The following CXXC4 variants were observed in gnomAD, a reference collection of about 807,000 sequenced individuals.
CXXC4 encodes CXXC finger protein 4.
A neutral mutation model predicts 20.5 loss-of-function variants in CXXC4; 5 were observed. That is an observed-to-expected ratio of 0.24 (90% CI 0.13 to 0.51). The LOEUF is 0.51. Among genes scored for constraint, CXXC4 ranks in the 20% least tolerant of loss-of-function variants. CXXC4 has a pLI of 0.97. For synonymous variants in CXXC4, 250 were observed against 216.4 expected (o/e 1.16, Z -1.36); for missense variants, 419 against 496.4 (o/e 0.84, Z 1.48).
intron 2 of CXXC4, among the ~76,000 whole-genome samples, chr4:104,478,266 C>T (rs575368489): frequency 5.3e-5 from 8 of 152,216 alleles, no homozygotes; most frequent in East Asian, 1.9e-4. Context: ...TAGACTGTGA[C>T]GGTGTGACTT....
intron 2 of CXXC4, among the ~76,000 whole-genome samples, chr4:104,473,637 C>G (rs1382540035): frequency 6.6e-6 from 1 of 151,824 alleles, no homozygotes; most frequent in Non-Finnish European, 1.5e-5. Flanking sequence ...CTTAGACTAG[C>G]CCAACAAGCC....
intron 2 of CXXC4, among the ~76,000 whole-genome samples, chr4:104,479,101 C>T (rs1449221750): frequency 2.6e-5 from 4 of 152,016 alleles, no homozygotes; most frequent in Non-Finnish European, 5.9e-5. Context: ...GGTAATTAGC[C>T]ATTGAAAAAC....
In CXXC4 at chr4:104,469,070, C is replaced by A. The variant is rs1047038889; in HGVS notation, c.*3252G>T. The A allele has an allele frequency of 1.8e-4, 28 of 152,000 alleles. No homozygotes were observed. Among genetic ancestry groups the A allele is most frequent in the African/African-American group, 6.5e-4 (27 of 41,394 alleles). The allele number at this position is 152,000 out of a possible 1,614,324, so 9.4% of individuals were successfully genotyped here. A position where few individuals can be genotyped will look rare whatever the true frequency, so the allele number is the denominator to read the frequency against. ...TGTTGGGAATTAAGCAACCAGGAGA[C>A]ATTTTTATATACTCCTACAGTGGGG... is the stretch of plus-strand genomic sequence containing the variant. On this transcript the variant is annotated 3_prime_UTR_variant, in exon 3 of 3. Transcript: ENST00000394767.
At position 104,490,977 on chromosome 4, in the gene CXXC4, T is replaced by A. The variant is rs1736832904; in HGVS notation, c.826A>T (p.Asn276Tyr). 1 of 1,613,864 alleles carries A rather than the reference T, an allele frequency of 6.2e-7. No individual in the cohort carries two copies. Among genetic ancestry groups the A allele is most frequent in the African/African-American group, 1.3e-5 (1 of 74,918 alleles). ...TGATTCTGCGGGCAGTCTGCCAGAT[T>A]GGCAATTTGAAACGCACTGTCTGTG... ...AVTDSAFQIANLADCPQNHSS... is the reference protein window; with the variant it reads ...AVTDSAFQIAYLADCPQNHSS... Residue 276 changes from asparagine (N) to tyrosine (Y), a missense_variant, in exon 2 of 3, where the codon AAT (asparagine) becomes TAT (tyrosine). Around this residue, in one of 3 missense-constraint regions of CXXC4, gnomAD observed 388 missense variants for 416.0 expected, o/e 0.93. Transcript: ENST00000394767.
In CXXC4 at chr4:104,472,320, C is replaced by T. The variant is rs1736297242; in HGVS notation, c.*2G>A. 1 of 1,598,854 alleles carries T rather than the reference C, an allele frequency of 6.3e-7. No homozygotes were observed. Among genetic ancestry groups the T allele is most frequent in the African/African-American group, 1.3e-5 (1 of 74,150 alleles). On this transcript the variant is annotated 3_prime_UTR_variant, in exon 3 of 3. Coordinates refer to ENST00000394767, the MANE Select transcript of CXXC4 (RefSeq NM_025212.4). ...GCCTTGAAAATAAGATATACTACTG[C>T]TTTAAAAGAACCATCGGAATGCTTC...
intron 2 of CXXC4, among the ~76,000 whole-genome samples, chr4:104,478,384 A>T (rs561374960): frequency 6.6e-6 from 1 of 152,204 alleles, no homozygotes; most frequent in Non-Finnish European, 1.5e-5. Context: ...TCATGAAAAC[A>T]GCTGTCCAAA....
At chr4:104,487,477 C>G (rs145039627) in intron 2 of CXXC4, among the ~76,000 whole-genome samples, 4 of 152,266 alleles carry the variant, frequency 2.6e-5, no homozygotes, top group African/African-American at 9.6e-5. Flanking sequence ...AAGTCAGTAT[C>G]AGAAATGTTA....
chr4:104,493,182 T>C (rs2110282325), intron 1 of CXXC4, among the ~76,000 whole-genome samples: 1 of 152,364 alleles, frequency 6.6e-6, no homozygotes, highest in East Asian at 1.9e-4. Context: ...GCCATTATTA[T>C]GCTTTAGGAA....
intron 2 of CXXC4, among the ~76,000 whole-genome samples, chr4:104,473,016 GA>G (rs1182987266): frequency 6.6e-6 from 1 of 151,714 alleles, no homozygotes; most frequent in Non-Finnish European, 1.5e-5. Context: ...ATCAAAAACT[GA>G]AACTGAAATT....
In CXXC4 at chr4:104,491,707, A is replaced by G; in HGVS notation, c.96T>C (p.Leu32=). Reference sequence around the variant, plus strand: ...GCTCCATTTCCGAGTTGTAATCCACAAGGCTGTTCAGAGCCCCCTCGGGCA... The same window carrying G: ...GCTCCATTTCCGAGTTGTAATCCACGAGGCTGTTCAGAGCCCCCTCGGGCA... ...SHLPEGALNS[L]VDYNSEMERY... is the part of the protein sequence containing the mutation. Residue 32 remains leucine, a synonymous_variant, in exon 2 of 3, where the codon CTT becomes CTC. Coordinates refer to ENST00000394767, the MANE Select transcript of CXXC4 (RefSeq NM_025212.4). 4.5e-6 allele frequency: 7 copies of G among 1,545,446 alleles called. No individual in the cohort carries two copies. Among genetic ancestry groups the G allele is most frequent in the East Asian group, 2.5e-5 (1 of 40,376 alleles).
In CXXC4 at chr4:104,472,112, T is replaced by C. The variant is rs918000318; in HGVS notation, c.*210A>G. The C allele has an allele frequency of 5.1e-6, 2 of 388,670 alleles. No individual in the cohort carries two copies. The highest frequency in any genetic ancestry group is 2.1e-5 in the African/African-American group (1 of 47,730). 24.1% of individuals were successfully genotyped at this position (388,670 alleles called of 1,614,324 possible). ...AAAGAATCAGCGTATTGAAAGTAAA[T>C]AGACTGGCCAATTCTCCAAGCTCTC... is the stretch of plus-strand genomic sequence containing the variant. On this transcript the variant is annotated 3_prime_UTR_variant, in exon 3 of 3. Coordinates refer to ENST00000394767, the MANE Select transcript of CXXC4 (RefSeq NM_025212.4).
intron 2 of CXXC4, among the ~76,000 whole-genome samples, chr4:104,489,044 G>T (rs1162980907): frequency 1.3e-5 from 2 of 152,114 alleles, no homozygotes; most frequent in East Asian, 1.9e-4. Flanking sequence ...ATAGTCCTTA[G>T]AAGTTACAAT....
At chr4:104,473,348 T>C (rs987858101) in intron 2 of CXXC4, among the ~76,000 whole-genome samples, 2 of 151,834 alleles carry the variant, frequency 1.3e-5, no homozygotes, top group Non-Finnish European at 2.9e-5. Context: ...AAACATACTA[T>C]AAATGGTTTC....
chr4:104,476,573 T>TA (rs1242134978), intron 2 of CXXC4, among the ~76,000 whole-genome samples: 1 of 152,168 alleles, frequency 6.6e-6, no homozygotes, highest in Non-Finnish European at 1.5e-5. Flanking sequence ...AAGAGGAAAT[T>TA]AATGAAAACT....
At position 104,469,249 on chromosome 4, in the gene CXXC4, G is replaced by A. The variant is rs1736200859; in HGVS notation, c.*3073C>T. 1 of 151,974 alleles carries A rather than the reference G, an allele frequency of 6.6e-6. No homozygotes were observed. The highest frequency in any genetic ancestry group is 1.5e-5 in the Non-Finnish European group (1 of 67,956). 9.4% of individuals were successfully genotyped at this position (151,974 alleles called of 1,614,324 possible). ...TAATGATGTTCTTCGTGATGTTATG[G>A]TGCTGAGTGACAACTGAAAAGGAAA... On this transcript the variant is annotated 3_prime_UTR_variant, in exon 3 of 3. Coordinates refer to ENST00000394767, the MANE Select transcript of CXXC4 (RefSeq NM_025212.4).
chr4:104,472,612 A>C (rs1480516718), intron 2 of CXXC4, among the ~76,000 whole-genome samples: 2 of 151,992 alleles, frequency 1.3e-5, no homozygotes, highest in African/African-American at 4.8e-5. Flanking sequence ...AAATATAGGA[A>C]ATGCAGCCTG....
intron 2 of CXXC4, among the ~76,000 whole-genome samples, chr4:104,473,195 C>T (rs572385076): frequency 6.6e-6 from 1 of 151,930 alleles, no homozygotes; most frequent in East Asian, 1.9e-4. Flanking sequence ...ATTCTAAACA[C>T]ATTTTATAGT....
At chr4:104,494,097 A>T (rs941682919) in intron 1 of CXXC4, among the ~76,000 whole-genome samples, 2 of 152,242 alleles carry the variant, frequency 1.3e-5, no homozygotes, top group African/African-American at 4.8e-5. Flanking sequence ...GATTATGCCC[A>T]GTATCCAGGT....
chr4:104,480,813 C>T (rs184328081), intron 2 of CXXC4, among the ~76,000 whole-genome samples: 168 of 152,078 alleles, frequency 1.1e-3, no homozygotes, highest in Non-Finnish European at 2.1e-3. Flanking sequence ...TGTAACCTTC[C>T]TGTATTTCCT....
Sources: gnomAD v4.1 joint callset for allele counts (sites outside exome capture counted in the v4.1 genomes callset) on GRCh38, gnomAD v4.1.1 for gene constraint, gnomAD v4.1.1 regional missense constraint, MANE v1.5 for transcripts, NCBI Gene and HGNC (gene_info 2026-07-23, HGNC 2026-07-21) for gene names.